OSBP: variants seen among roughly 807,000 people sequenced by gnomAD.
The protein encoded by OSBP is oxysterol-binding protein 1.
OSBP carries 32 observed loss-of-function variants against 96.6 expected under a neutral mutation model. The observed-to-expected ratio is 0.33, with a 90% CI of 0.25 to 0.45. The LOEUF (loss-of-function observed/expected upper bound fraction) is 0.45. Among genes scored for constraint, OSBP ranks in the 20% least tolerant of loss-of-function variants. OSBP has a pLI of 1.00. For synonymous variants in OSBP, 369 were observed against 389.6 expected, an observed-to-expected ratio of 0.95 and a Z score of 0.62; for missense variants, 653 against 1,029.7, an observed-to-expected ratio of 0.63 and a Z score of 5.01.
At chr11:59,585,643 G>T (rs1444080445) in intron 9 of OSBP, among the ~76,000 whole-genome samples, 1 of 152,212 alleles carries the variant, frequency 6.6e-6, no homozygotes, top group Non-Finnish European at 1.5e-5. Context: ...CCCTCTGCCA[G>T]GCCACCACCC....
intron 9 of OSBP, among the ~76,000 whole-genome samples, chr11:59,583,940 G>GGT (rs1860459118): frequency 1.1e-5 from 1 of 93,582 alleles, no homozygotes; most frequent in East Asian, 3.0e-4. Context: ...ACCTGATGGT[G>GGT]TTTTTTTTTT....
At chr11:59,593,105 A>C (rs1460578640) in intron 9 of OSBP, among the ~76,000 whole-genome samples, 1 of 152,140 alleles carries the variant, frequency 6.6e-6, no homozygotes, top group African/African-American at 2.4e-5. Context: ...GCCCCAAGTA[A>C]GATCTTTTTA....
At chr11:59,588,405 G>A (rs775188151) in intron 9 of OSBP, among the ~76,000 whole-genome samples, 4 of 151,828 alleles carry the variant, frequency 2.6e-5, no homozygotes, top group Admixed American at 2.0e-4. Flanking sequence ...GTGTGGAGGC[G>A]GGTACCTGTG....
intron 9 of OSBP, among the ~76,000 whole-genome samples, chr11:59,585,350 CGTCTCTG>C (rs1860485219): frequency 2.1e-5 from 3 of 142,878 alleles, no homozygotes; most frequent in Non-Finnish European, 4.6e-5. Flanking sequence ...AGGTGAGGAG[CGTCTCTG>C]CCCGGCCGCC....
At position 59,608,741 on chromosome 11, in the gene OSBP, G is replaced by T; in HGVS notation, c.572-7C>A. The stretch of plus-strand genomic sequence containing the variant: ...TCTTCATCTCCTGATTCATCTGTAG[G>T]AATGAAAAGAAAGGTTATATGATTC... On this transcript the variant is annotated splice_polypyrimidine_tract_variant and splice_region_variant and intron_variant, in intron 2 of 13. Transcript: ENST00000263847. 1 of 1,613,780 alleles carries T rather than the reference G, an allele frequency of 6.2e-7. No homozygotes were observed. Among genetic ancestry groups the T allele is most frequent in the East Asian group, 2.2e-5 (1 of 44,890 alleles).
chr11:59,604,380 TATATAAAAATTAAAAAAAG>T (rs904868667), intron 3 of OSBP, among the ~76,000 whole-genome samples: 2 of 151,998 alleles, frequency 1.3e-5, no homozygotes, highest in Admixed American at 1.3e-4. Context: ...ACCCCATCTC[TATATAAAAATTAAAAAAAG>T]ATATAAAAAT....
Position 59,581,371 on chromosome 11 carries a change from A to G in OSBP, c.1782+80T>C, listed in dbSNP as rs866255407. 2.0e-5 allele frequency: 14 copies of G among 709,288 alleles called. No individual in the cohort carries two copies. The Middle Eastern group carries it at 2.1e-3, about 106-fold the overall frequency. 43.9% of individuals were successfully genotyped at this position (709,288 alleles called of 1,614,324 possible). Reference sequence around the variant, plus strand: ...AGTAGCAACATTCTGAGACCAGTTCACATGTCCTAAATACTGCAGAAATAT... The same window carrying G: ...AGTAGCAACATTCTGAGACCAGTTCGCATGTCCTAAATACTGCAGAAATAT... On this transcript the variant is annotated intron_variant, in intron 10 of 13. Coordinates refer to ENST00000263847, the MANE Select transcript of OSBP (RefSeq NM_002556.3).
intron 12 of OSBP, 62 bp from the exon 13 acceptor site, chr11:59,577,087 C>T: frequency 7.2e-7 from 1 of 1,381,206 alleles, no homozygotes; most frequent in Non-Finnish European, 1.0e-6. Flanking sequence ...ATTTAAAGAG[C>T]AACAACTAAG....
chr11:59,599,366 T>C (rs1344443582), intron 7 of OSBP, among the ~76,000 whole-genome samples: 1 of 152,264 alleles, frequency 6.6e-6, no homozygotes, highest in African/African-American at 2.4e-5. Flanking sequence ...AGAGTTGGCC[T>C]GAGGGCCTTA....
At chr11:59,600,759 A>AG in intron 6 of OSBP, 60 bp downstream of exon 6, 6 of 1,567,036 alleles carry the variant, frequency 3.8e-6, no homozygotes, top group Non-Finnish European at 8.6e-7. Context: ...AAAAAAAAAA[A>AG]AATCCTTGGG....
chr11:59,575,854 G>C lies in OSBP; in HGVS notation c.*723C>G, dbSNP rs1208361746. 2.0e-5 allele frequency: 3 copies of C among 152,152 alleles called. No homozygotes were observed. The highest frequency in any genetic ancestry group is 2.9e-5 in the Non-Finnish European group (2 of 68,030). 9.4% of individuals were successfully genotyped at this position (152,152 alleles called of 1,614,324 possible). On this transcript the variant is annotated 3_prime_UTR_variant, in exon 14 of 14. Coordinates refer to ENST00000263847, the MANE Select transcript of OSBP (RefSeq NM_002556.3). Reference sequence around the variant, plus strand: ...CATAAAACCCCTTTGTGAGGAGAATGCACCCCCTTACCAATGACCAAAGTG... The same window carrying C: ...CATAAAACCCCTTTGTGAGGAGAATCCACCCCCTTACCAATGACCAAAGTG...
chr11:59,577,087 C>G, intron 12 of OSBP, 62 bp from the exon 13 acceptor site: 1 of 1,381,208 alleles, frequency 7.2e-7, no homozygotes, highest in Non-Finnish European at 1.0e-6. Flanking sequence ...ATTTAAAGAG[C>G]AACAACTAAG....
intron 11 of OSBP, among the ~76,000 whole-genome samples, chr11:59,578,649 G>A (rs993378942): frequency 2.6e-5 from 4 of 152,080 alleles, no homozygotes; most frequent in African/African-American, 9.7e-5. Context: ...AAGGGGTCTT[G>A]CTATGTTGCC....
At chr11:59,585,629 G>A (rs1860490782) in intron 9 of OSBP, among the ~76,000 whole-genome samples, 1 of 152,188 alleles carries the variant, frequency 6.6e-6, no homozygotes, top group African/African-American at 2.4e-5. Flanking sequence ...GGGAAGTGAG[G>A]AGCCCCTCTG....
In OSBP at chr11:59,578,392, T is replaced by C; in HGVS notation, c.1879-62A>G. The C allele has an allele frequency of 2.0e-6, 3 of 1,496,698 alleles. No individual in the cohort carries two copies. The South Asian group carries it at 3.6e-5, about 18-fold the overall frequency. 92.7% of individuals were successfully genotyped at this position (1,496,698 alleles called of 1,614,324 possible). ...TTCACTGTGAATTAGCTTACCTGAC[T>C]ATACTGGAAGTCCTAGGATAAATAA... On this transcript the variant is annotated intron_variant, in intron 11 of 13. Transcript: ENST00000263847.
chr11:59,609,574 T>G (rs192515651), intron 2 of OSBP, among the ~76,000 whole-genome samples: 3 of 152,004 alleles, frequency 2.0e-5, no homozygotes, highest in Admixed American at 6.5e-5. Context: ...ACCAAACAAT[T>G]TACAAACCAG....
intron 3 of OSBP, among the ~76,000 whole-genome samples, chr11:59,605,935 T>C (rs1382506117): frequency 1.3e-5 from 2 of 152,182 alleles, no homozygotes; most frequent in East Asian, 1.9e-4. Context: ...GTTACAGAGA[T>C]AGGTCATGAA....
intron 9 of OSBP, among the ~76,000 whole-genome samples, chr11:59,584,015 A>C (rs1488208893): frequency 7.0e-6 from 1 of 142,170 alleles, no homozygotes; most frequent in Non-Finnish European, 1.5e-5. Flanking sequence ...GTGCAATCGT[A>C]GTTCACTGCA....
chr11:59,607,120 T>A (rs962291287), intron 3 of OSBP, among the ~76,000 whole-genome samples: 5 of 152,204 alleles, frequency 3.3e-5, no homozygotes, highest in African/African-American at 1.2e-4. Context: ...AATTATGGAT[T>A]GGGGTGTTCC....
Sources: gnomAD v4.1 joint callset for allele counts (sites outside exome capture counted in the v4.1 genomes callset) on GRCh38, gnomAD v4.1.1 for gene constraint, MANE v1.5 for transcripts, NCBI Gene and HGNC (gene_info 2026-07-23, HGNC 2026-07-21) for gene names.